DKC1: variants seen among roughly 807,000 people sequenced by gnomAD.
The protein encoded by DKC1 is dyskerin pseudouridine synthase 1.
In DKC1, 4 loss-of-function variants were observed where a neutral mutation model predicts 46.7. The ratio of observed to expected loss-of-function variants is 0.09; its 90% confidence interval spans 0.04 to 0.20. The LOEUF (loss-of-function observed/expected upper bound fraction) is 0.20. Ranked by LOEUF, DKC1 falls within the 10% of genes least tolerant of loss-of-function variation. The pLI is 1.00. For synonymous variants in DKC1, 141 were observed against 142.4 expected (o/e 0.99, Z 0.07); for missense variants, 171 against 404.2 (o/e 0.42, Z 4.95).
chrX:154,763,045 A>T lies in DKC1; in HGVS notation c.16+64A>T, dbSNP rs2071700495. 10 of 1,109,500 alleles carry T rather than the reference A, an allele frequency of 9.0e-6. No homozygotes were observed. In the South Asian group the frequency reaches 1.9e-4, roughly 22 times the overall value. The allele number at this position is 1,109,500 out of a possible 1,213,427, so 91.4% of individuals were successfully genotyped here. A position where few individuals can be genotyped will look rare whatever the true frequency, so the allele number is the denominator to read the frequency against. On this transcript the variant is annotated intron_variant, in intron 1 of 14. Transcript: ENST00000369550. ...CGACTCGGGGAACGGGGGTGGGGGG[A>T]TGGTATCGGGGCCCGCGCACGCCTC...
chrX:154,764,810 C>A, intron 1 of DKC1, 89 bp from the exon 2 acceptor site: 1 of 671,110 alleles, frequency 1.5e-6, no homozygotes, highest in Non-Finnish European at 2.5e-6. Context: ...AAATCCATTT[C>A]CTACCTGCCC....
At chrX:154,776,068 A>G in intron 13 of DKC1, 119 bp from the exon 14 acceptor site, 1 of 943,339 alleles carries the variant, frequency 1.1e-6, no homozygotes, top group Non-Finnish European at 1.5e-6. Context: ...GTAGTCAGAA[A>G]ACGTCCTGTT....
rs1036880108 is a variant in DKC1 at position 154,766,284 on chromosome X, G to A, written c.332G>A (p.Arg111Gln). Residue 111 changes from arginine to glutamine, a missense_variant, in exon 5 of 15, where the codon CGG becomes CAG. Transcript: ENST00000369550. ...SSHEVVAWIR[R>Q]ILRVEKTGHS... ...CATGAGGTGGTAGCCTGGATTCGAC[G>A]GATACTTCGGGTGGAGAAGACAGGG... 2 of 1,209,400 alleles carry A rather than the reference G, an allele frequency of 1.7e-6. No homozygotes were observed. The highest frequency in any genetic ancestry group is 2.2e-5 in the Admixed American group (1 of 45,857).
intron 1 of DKC1, among the ~76,000 whole-genome samples, chrX:154,764,557 C>T (rs1385452615): frequency 6.3e-5 from 7 of 111,493 alleles, no homozygotes; most frequent in African/African-American, 2.3e-4. Context: ...CTGCTTATCT[C>T]CTTATTTATA....
At chrX:154,773,739 C>A (rs919926593) in intron 11 of DKC1, among the ~76,000 whole-genome samples, 8 of 112,499 alleles carry the variant, frequency 7.1e-5, no homozygotes, top group African/African-American at 2.6e-4. Flanking sequence ...ATTTCTCAAT[C>A]TTTTCCCCAC....
intron 12 of DKC1, 65 bp from the exon 13 acceptor site, chrX:154,775,130 C>T (rs782702190): frequency 9.6e-6 from 10 of 1,038,748 alleles, no homozygotes. Flanking sequence ...GATAACACTA[C>T]ATAACATCAG....
chrX:154,776,112 A>G, intron 13 of DKC1, 75 bp from the exon 14 acceptor site: 1 of 1,161,892 alleles, frequency 8.6e-7, no homozygotes, highest in East Asian at 3.0e-5. Flanking sequence ...GTGCCTTGCT[A>G]CCTTTTGACT....
At chrX:154,768,972 C>T (rs2071787195) in intron 8 of DKC1, among the ~76,000 whole-genome samples, 195 bp from the exon 9 acceptor site, 1 of 83,155 alleles carries the variant, frequency 1.2e-5, no homozygotes, top group African/African-American at 5.1e-5. Flanking sequence ...CCCACCTGGG[C>T]GACAGAGCGA....
At position 154,777,122 on chromosome X, in the gene DKC1, G is replaced by A. The variant is rs1316637138; in HGVS notation, c.*255G>A. On this transcript the variant is annotated 3_prime_UTR_variant, in exon 15 of 15. Coordinates refer to ENST00000369550, the MANE Select transcript of DKC1 (RefSeq NM_001363.5). ...ATGACTTCTCTGTTTGAGTTGGGAA[G>A]CCTCACCTTCAGACCCAGTAACTGT... 3 of 304,658 alleles carry A rather than the reference G, an allele frequency of 9.8e-6. No homozygotes were observed. The Admixed American group carries it at 1.5e-4, about 15-fold the overall frequency. 25.1% of individuals were successfully genotyped at this position (304,658 alleles called of 1,213,427 possible).
intron 3 of DKC1, 32 bp downstream of exon 3, chrX:154,765,562 G>T: frequency 9.9e-7 from 1 of 1,011,291 alleles, no homozygotes; most frequent in East Asian, 3.0e-5. Flanking sequence ...TCAGATGAAT[G>T]CCTGCTTTTA....
In DKC1 at chrX:154,762,911, C is replaced by G; in HGVS notation, c.-55C>G. On this transcript the variant is annotated 5_prime_UTR_variant, in exon 1 of 15. Transcript: ENST00000369550. ...CTGACGGGACCAAGGCGGCGGGAGT[C>G]TGCGGTCGTTCCCTCGGCTGTGGAC... 1 of 1,166,286 alleles carries G rather than the reference C, an allele frequency of 8.6e-7. No individual in the cohort carries two copies. The highest frequency in any genetic ancestry group is 1.1e-6 in the Non-Finnish European group (1 of 870,529).
intron 7 of DKC1, 128 bp downstream of exon 7, chrX:154,767,510 G>A (rs2071761020): frequency 3.6e-6 from 3 of 831,029 alleles, no homozygotes; most frequent in Non-Finnish European, 5.3e-6. Context: ...TTGTCTGTGG[G>A]CGATAGTTTT....
At chrX:154,776,624 G>C (rs2071900174) in intron 14 of DKC1, among the ~76,000 whole-genome samples, 175 bp from the exon 15 acceptor site, 1 of 111,898 alleles carries the variant, frequency 8.9e-6, no homozygotes, top group Non-Finnish European at 1.9e-5. Context: ...GACCACTAGG[G>C]TGTCACTGAA....
rs782491644 is a variant in DKC1, at chrX:154,773,284, CTT to C, written c.1155+56_1155+57del. ...ACTGGGTTGCGTGCCCTGCCAGGTT[CTT>C]TTTTTTTTTTTTTTTTTTTTAAATT... On this transcript the variant is annotated intron_variant, in intron 11 of 14. Coordinates refer to ENST00000369550, the MANE Select transcript of DKC1 (RefSeq NM_001363.5). The C allele has an allele frequency of 0.027, 9,167 of 333,493 alleles. No homozygotes were observed. The highest frequency in any genetic ancestry group is 0.037 in the East Asian group (661 of 17,709). The allele number at this position is 333,493 out of a possible 1,213,427, so 27.5% of individuals were successfully genotyped here. A position where few individuals can be genotyped will look rare whatever the true frequency, so the allele number is the denominator to read the frequency against.
chrX:154,768,017 A>AT (rs1557264417), intron 7 of DKC1: 1 of 292,037 alleles, frequency 3.4e-6, no homozygotes, highest in East Asian at 7.7e-5. Flanking sequence ...TGCCCGGCTA[A>AT]TTTTTTGTAC....
intron 9 of DKC1, 61 bp downstream of exon 9, chrX:154,769,371 CTTT>C: frequency 9.0e-7 from 1 of 1,106,287 alleles, no homozygotes; most frequent in South Asian, 1.9e-5. Flanking sequence ...GAGGCTTGCT[CTTT>C]TTATTGTTTT....
chrX:154,775,351 G>C (rs1048106512), intron 13 of DKC1, 78 bp downstream of exon 13: 7 of 967,920 alleles, frequency 7.2e-6, no homozygotes, highest in Non-Finnish European at 1.0e-5. Flanking sequence ...GTCTTACTTT[G>C]TGACTGTCCG....
intron 9 of DKC1, 92 bp downstream of exon 9, chrX:154,769,402 T>C (rs2071793555): frequency 9.7e-7 from 1 of 1,030,237 alleles, no homozygotes; most frequent in Non-Finnish European, 1.3e-6. Flanking sequence ...TTTTATTTTA[T>C]TTTTTTCAAG....
At chrX:154,774,953 C>T (rs1557265486) in intron 12 of DKC1, 2 of 574,474 alleles carry the variant, frequency 3.5e-6, no homozygotes, top group East Asian at 3.3e-5. Context: ...CTTCAGCTCC[C>T]GTGAGATTTT....
Sources: allele counts gnomAD v4.1 joint callset (sites outside exome capture counted in the v4.1 genomes callset), GRCh38; gene constraint gnomAD v4.1.1; transcripts MANE v1.5; gene names NCBI Gene and HGNC (gene_info 2026-07-23, HGNC 2026-07-21).